The following SP100 variants were observed in gnomAD, a reference collection of about 807,000 sequenced individuals.
SP100 encodes nuclear autoantigen Sp-100.
In SP100, 84 loss-of-function variants were observed where a neutral mutation model predicts 130.0. The ratio of observed to expected loss-of-function variants is 0.65; its 90% CI spans 0.54 to 0.77. SP100 has a LOEUF of 0.77. Among genes scored for constraint, SP100 ranks in the 30% least tolerant of loss-of-function variants. The pLI, the probability that SP100 is intolerant of heterozygous loss-of-function variation, is 0.00. For synonymous variants in SP100, 331 were observed against 351.7 expected (o/e 0.94, Z 0.66); for missense variants, 978 against 1,052.2 (o/e 0.93, Z 0.97).
At position 230,466,287 on chromosome 2, in the gene SP100, C is replaced by T; in HGVS notation, c.1142-14C>T. The T allele has an allele frequency of 6.5e-7, 1 of 1,529,884 alleles. No individual in the cohort carries two copies. Among genetic ancestry groups the T allele is most frequent in the Non-Finnish European group, 9.0e-7 (1 of 1,109,976 alleles). The allele number at this position is 1,529,884 out of a possible 1,614,324, so 94.8% of individuals were successfully genotyped here. A position where few individuals can be genotyped will look rare whatever the true frequency, so the allele number is the denominator to read the frequency against. On this transcript the variant is annotated splice_polypyrimidine_tract_variant and intron_variant, in intron 11 of 28. Transcript: ENST00000340126. ...TTGCATACAAATAACGGGTTTCTCC[C>T]TTTTACTTTACAGAGCCCATGGATT...
At chr2:230,511,685 A>G (rs1690599894) in intron 24 of SP100, among the ~76,000 whole-genome samples, 1 of 152,174 alleles carries the variant, frequency 6.6e-6, no homozygotes. Context: ...TGAGTCTCTT[A>G]TGAAGCCCCT....
chr2:230,426,277 T>G (rs909378929), intron 2 of SP100, among the ~76,000 whole-genome samples: 1 of 152,190 alleles, frequency 6.6e-6, no homozygotes, highest in Non-Finnish European at 1.5e-5. Context: ...ATTTTCTCCC[T>G]TCTGCTGCTA....
chr2:230,475,364 T>G (rs760391139), intron 17 of SP100, among the ~76,000 whole-genome samples: 2 of 152,212 alleles, frequency 1.3e-5, no homozygotes, highest in Admixed American at 1.3e-4. Flanking sequence ...TTCATGTCCT[T>G]TGCCCATTTT....
At chr2:230,449,843 G>C in intron 7 of SP100, 133 bp downstream of exon 7, 3 of 934,016 alleles carry the variant, frequency 3.2e-6, no homozygotes, top group Non-Finnish European at 5.0e-6. Context: ...ACACAGAGGG[G>C]GCCTGTTATA....
intron 13 of SP100, among the ~76,000 whole-genome samples, chr2:230,468,548 TA>T (rs1434631884): frequency 6.7e-6 from 1 of 148,996 alleles, no homozygotes; most frequent in African/African-American, 2.4e-5. Context: ...CTCACGCCTA[TA>T]ATCCCAACAC....
intron 17 of SP100, among the ~76,000 whole-genome samples, chr2:230,478,754 T>C (rs1003883959): frequency 1.3e-5 from 2 of 152,118 alleles, no homozygotes; most frequent in Non-Finnish European, 2.9e-5. Context: ...TGGAGCTCAA[T>C]GTTACTGGGA....
At chr2:230,462,854 A>G (rs1030397505) in intron 10 of SP100, among the ~76,000 whole-genome samples, 12 of 152,230 alleles carry the variant, frequency 7.9e-5, no homozygotes, top group African/African-American at 2.9e-4. Flanking sequence ...TGTTAGATTT[A>G]TATAGTGATT....
chr2:230,462,642 T>C, intron 10 of SP100, 124 bp downstream of exon 10: 2 of 739,552 alleles, frequency 2.7e-6, no homozygotes, highest in South Asian at 3.0e-5. Context: ...GGGATCCCAT[T>C]CTTTGCATTA....
intron 18 of SP100, among the ~76,000 whole-genome samples, chr2:230,496,832 C>G (rs72985720): frequency 0.023 from 3,482 of 152,264 alleles, 56 homozygotes; most frequent in Middle Eastern, 0.037. Flanking sequence ...GACAGAATAT[C>G]TCTCAAGAAG....
intron 1 of SP100, among the ~76,000 whole-genome samples, chr2:230,417,235 GA>G (rs1375752484): frequency 2.6e-5 from 4 of 151,862 alleles, no homozygotes; most frequent in African/African-American, 9.7e-5. Flanking sequence ...TTATGTTCTT[GA>G]TTTATAATAA....
intron 2 of SP100, among the ~76,000 whole-genome samples, chr2:230,434,878 G>C (rs144744575): frequency 1.6e-3 from 243 of 152,324 alleles, no homozygotes; most frequent in Non-Finnish European, 2.4e-3. Context: ...ATGAGCAAAA[G>C]GAGAGGAGCA....
At chr2:230,508,932 CACACACACACACACAT>C (rs1333681456) in intron 23 of SP100, 43 of 138,594 alleles carry the variant, frequency 3.1e-4, no homozygotes, top group African/African-American at 1.4e-3. Context: ...CACACACACA[CACACACACACACACAT>C]ACACACACAC....
intron 17 of SP100, among the ~76,000 whole-genome samples, chr2:230,477,585 C>A (rs1328559392): frequency 6.6e-6 from 1 of 152,100 alleles, no homozygotes. Context: ...ATTTGAATCA[C>A]CACTTTGATT....
At chr2:230,454,389 T>C (rs1172749089) in intron 8 of SP100, among the ~76,000 whole-genome samples, 1 of 149,386 alleles carries the variant, frequency 6.7e-6, no homozygotes, top group Non-Finnish European at 1.5e-5. Context: ...TTGTTTGAGA[T>C]CTTTCTTCTT....
chr2:230,449,027 G>A, intron 5 of SP100, 61 bp from the exon 6 acceptor site: 1 of 1,072,346 alleles, frequency 9.3e-7, no homozygotes, highest in Non-Finnish European at 1.5e-6. Flanking sequence ...AAGGGATTAG[G>A]GGAGAATGGC....
chr2:230,433,058 G>A (rs2063144236), intron 2 of SP100, among the ~76,000 whole-genome samples: 1 of 152,160 alleles, frequency 6.6e-6, no homozygotes, highest in African/African-American at 2.4e-5. Context: ...TCAAAACAGT[G>A]AAAGCAGAAC....
chr2:230,432,463 A>G (rs919363728), intron 2 of SP100, among the ~76,000 whole-genome samples: 1 of 152,294 alleles, frequency 6.6e-6, no homozygotes, highest in African/African-American at 2.4e-5. Context: ...TCTGTCTTAC[A>G]GTGTTTCCGA....
chr2:230,433,674 A>G (rs941138576), intron 2 of SP100, among the ~76,000 whole-genome samples: 2 of 151,958 alleles, frequency 1.3e-5, no homozygotes, highest in African/African-American at 4.8e-5. Flanking sequence ...ATGTTTTGCC[A>G]TTTTCAACAT....
rs561641521 is a variant in SP100 at position 230,525,895 on chromosome 2, G to C, written c.2095-13372G>C. ...GAGTAGCTCACACTGTAAACAAAAA[G>C]GCAGGGAAGCATGAACTGGGCGGAG... On this transcript the variant is annotated intron_variant, in intron 24 of 28. Transcript: ENST00000340126. Among the ~76,000 whole-genome samples, 4 of 152,334 alleles carry C rather than the reference G, an allele frequency of 2.6e-5. No homozygotes were observed. In the East Asian group the frequency reaches 7.7e-4, roughly 29 times the overall value.
Sources: gnomAD v4.1 joint callset for allele counts (sites outside exome capture counted in the v4.1 genomes callset) on GRCh38, gnomAD v4.1.1 for gene constraint, MANE v1.5 for transcripts, NCBI Gene and HGNC (gene_info 2026-07-23, HGNC 2026-07-21) for gene names.